PIGG: variants seen among roughly 807,000 people sequenced by gnomAD.
PIGG encodes phosphatidylinositol glycan anchor biosynthesis class G (EMM blood group).
A neutral mutation model predicts 83.2 loss-of-function variants in PIGG; 70 were observed. The ratio of observed to expected loss-of-function variants is 0.84; its 90% CI spans 0.69 to 1.03. PIGG has a LOEUF of 1.03. Among genes scored for constraint, PIGG ranks in the 50% least tolerant of loss-of-function variants. PIGG has a pLI of 0.00. For missense variants in PIGG, 1,257 were observed against 1,233.6 expected (o/e 1.02, Z -0.28); for synonymous variants, 532 against 519.5 (o/e 1.02, Z -0.33).
At chr4:527,499 T>A (rs1478855468) in intron 10 of PIGG, 7 of 1,234,118 alleles carry the variant, frequency 5.7e-6, no homozygotes, top group Non-Finnish European at 7.1e-6. Context: ...TAAGATTTTT[T>A]AAATTTAAAA....
chr4:513,197 T>C (rs1722794915), intron 5 of PIGG, among the ~76,000 whole-genome samples: 1 of 152,230 alleles, frequency 6.6e-6, no homozygotes, highest in South Asian at 2.1e-4. Context: ...GTGGTGGTTT[T>C]TAAAATGTTT....
intron 5 of PIGG, among the ~76,000 whole-genome samples, chr4:512,858 A>G (rs1553884688): frequency 6.6e-6 from 1 of 152,166 alleles, no homozygotes; most frequent in Admixed American, 6.5e-5. Flanking sequence ...CTTTATTGAT[A>G]TTCTCTATTT....
intron 8 of PIGG, 98 bp downstream of exon 8, chr4:522,039 C>T: frequency 1.5e-6 from 2 of 1,334,540 alleles, no homozygotes; most frequent in Non-Finnish European, 2.1e-6. Flanking sequence ...TCTGGTTGAA[C>T]ACCTGGTGTG....
intron 1 of PIGG, chr4:499,890 CTT>C (rs201864980): frequency 7.7e-4 from 209 of 271,744 alleles, no homozygotes; most frequent in African/African-American, 4.1e-3. Flanking sequence ...GTTTTGGTCT[CTT>C]ATATTCCTCC....
In PIGG at chr4:539,162, A is replaced by G. The variant is rs748585243; in HGVS notation, c.2745A>G (p.Ala915=). ...FLSSETRSGS[A]LSHACFCYAL... ...TCTTTCTTATTAACAGTGGTTCAGC[A>G]CTGAGTCATGCTTGCTTCTGCTACG... is the stretch of plus-strand genomic sequence containing the variant. Residue 915 remains alanine (A), a synonymous_variant, in exon 13 of 13, where the codon GCA becomes GCG. Coordinates refer to ENST00000453061, the MANE Select transcript of PIGG (RefSeq NM_001127178.3). 4 of 1,608,784 alleles carry G rather than the reference A, an allele frequency of 2.5e-6. No individual in the cohort carries two copies. The highest frequency in any genetic ancestry group is 1.1e-5 in the South Asian group (1 of 90,932).
rs1422990099 is a variant in PIGG, at chr4:539,404, A to C, written c.*35A>C. On this transcript the variant is annotated 3_prime_UTR_variant, in exon 13 of 13. Coordinates refer to ENST00000453061, the MANE Select transcript of PIGG (RefSeq NM_001127178.3). Reference sequence around the variant, plus strand: ...AACACTGGAAAAATAATACATGCTTAAAGTCTGCTGTTATTCTAAAATGAA... The same window carrying C: ...AACACTGGAAAAATAATACATGCTTCAAGTCTGCTGTTATTCTAAAATGAA... 2 of 1,249,050 alleles carry C rather than the reference A, an allele frequency of 1.6e-6. No homozygotes were observed. Among genetic ancestry groups the C allele is most frequent in the Non-Finnish European group, 2.3e-6 (2 of 866,812 alleles). The allele number at this position is 1,249,050 out of a possible 1,614,324, so 77.4% of individuals were successfully genotyped here.
chr4:521,586 G>A (rs1725896305), intron 7 of PIGG, 74 bp from the exon 8 acceptor site: 10 of 1,399,938 alleles, frequency 7.1e-6, no homozygotes, highest in African/African-American at 2.9e-5. Context: ...ACACGAGAGC[G>A]GGAGCTGGGC....
Position 528,099 on chromosome 4 carries a change from T to A in PIGG, c.2261+869T>A, listed in dbSNP as rs1353331435. ...GACCGTCCCAGTGAGGTCGGTGCTC[T>A]GATAGTGACCCTCTCAGTGAGGTCG... On this transcript the variant is annotated intron_variant, in intron 10 of 12. Transcript: ENST00000453061. The surrounding 1 kb of genome is among the most constrained non-coding windows in gnomAD (Gnocchi z 4.8). The A allele has an allele frequency of 1.0e-6, 1 of 985,008 alleles. No individual in the cohort carries two copies. The highest frequency in any genetic ancestry group is 1.2e-6 in the Non-Finnish European group (1 of 829,850). 61.0% of individuals were successfully genotyped at this position (985,008 alleles called of 1,614,324 possible).
At chr4:511,314 A>AC (rs1481963477) in intron 5 of PIGG, among the ~76,000 whole-genome samples, 6 of 151,888 alleles carry the variant, frequency 4.0e-5, no homozygotes, top group African/African-American at 1.5e-4. Context: ...AAAAAAAAAA[A>AC]AAAGAAGACT....
chr4:501,286 T>C (rs1252508377), intron 2 of PIGG: 1 of 381,276 alleles, frequency 2.6e-6, no homozygotes, highest in Non-Finnish European at 5.2e-6. Context: ...TTTTAGTCTT[T>C]AGATATACAG....
chr4:527,858 G>T (rs1728090442), intron 10 of PIGG: 2 of 985,312 alleles, frequency 2.0e-6, no homozygotes, highest in African/African-American at 3.5e-5. Context: ...GGCCGTTCTG[G>T]AGGGCAGCTT....
At chr4:529,093 C>G (rs942268315) in intron 10 of PIGG, among the ~76,000 whole-genome samples, 4 of 152,120 alleles carry the variant, frequency 2.6e-5, no homozygotes, top group Non-Finnish European at 5.9e-5. Context: ...GCGGGGTGGG[C>G]CTGGTTGAGC....
intron 9 of PIGG, chr4:525,250 A>G (rs1344273659): frequency 1.0e-6 from 1 of 985,302 alleles, no homozygotes; most frequent in African/African-American, 1.7e-5. Context: ...AAGTATAGCA[A>G]ATCATTTCAA....
chr4:535,936 C>T (rs1730474268), intron 12 of PIGG, among the ~76,000 whole-genome samples: 1 of 152,236 alleles, frequency 6.6e-6, no homozygotes, highest in Non-Finnish European at 1.5e-5. Context: ...CGACATTCCG[C>T]AGAGGTGTCC....
intron 4 of PIGG, 78 bp from the exon 5 acceptor site, chr4:508,751 A>C: frequency 7.2e-7 from 1 of 1,386,962 alleles, no homozygotes; most frequent in Non-Finnish European, 1.0e-6. Flanking sequence ...GTAAAGCTAA[A>C]ACCGAAAATT....
intron 5 of PIGG, among the ~76,000 whole-genome samples, chr4:510,454 G>T (rs538147530): frequency 2.6e-5 from 4 of 152,204 alleles, no homozygotes; most frequent in Admixed American, 1.3e-4. Context: ...CAGCGTGGGC[G>T]TCATGGCCAT....
In PIGG at chr4:499,244, C is replaced by T. The variant is rs560952671; in HGVS notation, c.-92C>T. Reference sequence around the variant, plus strand: ...GCGACGATAAGGCCTGGCGTTATTGCTTAGAGGCGGCTACCTGGAGCCGGA... The same window carrying T: ...GCGACGATAAGGCCTGGCGTTATTGTTTAGAGGCGGCTACCTGGAGCCGGA... On this transcript the variant is annotated 5_prime_UTR_variant, in exon 1 of 13. Coordinates refer to ENST00000453061, the MANE Select transcript of PIGG (RefSeq NM_001127178.3). The T allele has an allele frequency of 9.5e-5, 135 of 1,418,390 alleles. No individual in the cohort carries two copies. The East Asian group carries it at 1.3e-3, about 14-fold the overall frequency. The allele number at this position is 1,418,390 out of a possible 1,614,324, so 87.9% of individuals were successfully genotyped here.
intron 2 of PIGG, 22 bp from the exon 3 acceptor site, chr4:505,696 T>A (rs782131119): frequency 1.1e-5 from 18 of 1,594,670 alleles, no homozygotes; most frequent in Admixed American, 1.7e-5. Flanking sequence ...AGTGGCCTAA[T>A]TCTTGCATTT....
chr4:530,879 G>C lies in PIGG; in HGVS notation c.2571+134G>C, dbSNP rs775978806. 6 of 670,050 alleles carry C rather than the reference G, an allele frequency of 9.0e-6. No individual in the cohort carries two copies. In the East Asian group the frequency reaches 1.6e-4, roughly 18 times the overall value. 41.5% of individuals were successfully genotyped at this position (670,050 alleles called of 1,614,324 possible). A position where few individuals can be genotyped will look rare whatever the true frequency, so the allele number is the denominator to read the frequency against. ...GCATGGTGAATTACGCTGAACTCTC[G>C]TGTATTTTATAAGACAAAGTACAGC... On this transcript the variant is annotated intron_variant, in intron 11 of 12. Transcript: ENST00000453061.
Sources: gnomAD v4.1 joint callset for allele counts (sites outside exome capture counted in the v4.1 genomes callset) on GRCh38, gnomAD v4.1.1 for gene constraint, Gnocchi (gnomAD v3.1) non-coding constraint, MANE v1.5 for transcripts, NCBI Gene and HGNC (gene_info 2026-07-23, HGNC 2026-07-21) for gene names.